CREB5: variants seen among roughly 807,000 people sequenced by gnomAD.
The protein encoded by CREB5 is cAMP responsive element binding protein 5.
A neutral mutation model predicts 57.1 loss-of-function variants in CREB5; 19 were observed. The observed-to-expected ratio is 0.33, with a 90% CI of 0.23 to 0.49. The LOEUF is 0.49. CREB5 is among the 20% of genes least tolerant of loss of function. The pLI, the probability that CREB5 is intolerant of heterozygous loss-of-function variation, is 0.99. For missense variants in CREB5, 579 were observed against 671.6 expected (o/e 0.86, Z 1.52); for synonymous variants, 238 against 238.3 (o/e 1.00, Z 0.01).
intron 4 of CREB5, among the ~76,000 whole-genome samples, chr7:28,549,845 T>C (rs1794556201): frequency 6.6e-6 from 1 of 152,230 alleles, no homozygotes; most frequent in Non-Finnish European, 1.5e-5. Context: ...GTGTCATTGC[T>C]GATGGTTTGC....
At chr7:28,406,563 G>A (rs774662906) in intron 1 of CREB5, among the ~76,000 whole-genome samples, 7 of 152,340 alleles carry the variant, frequency 4.6e-5, no homozygotes, top group South Asian at 4.1e-4. Flanking sequence ...GTCTCCACAC[G>A]TCTGACAGGC....
intron 1 of CREB5, among the ~76,000 whole-genome samples, chr7:28,304,789 T>C (rs1318894861): frequency 6.6e-6 from 1 of 152,188 alleles, no homozygotes; most frequent in Non-Finnish European, 1.5e-5. Context: ...ATTTCCATGA[T>C]AGACTATTAA....
rs79422087 is a variant in CREB5, at chr7:28,690,487, A to G, written c.465-28266A>G. 1.8e-4 allele frequency among the ~76,000 whole-genome samples: 28 copies of G among 152,314 alleles called. 1 individual carries two copies. In the East Asian group the frequency reaches 5.0e-3, roughly 27 times the overall value. ...AGAGAAGCAGGGTGGGGTCTCCTGA[A>G]AAGAGCATGGCCTTTGGGGTTATAA... On this transcript the variant is annotated intron_variant, in intron 5 of 10. Transcript: ENST00000357727.
Position 28,464,526 on chromosome 7 carries a change from T to TGTGC in CREB5, c.4-23646_4-23645insCGTG, listed in dbSNP as rs1265350993. On this transcript the variant is annotated intron_variant, in intron 1 of 10. Coordinates refer to ENST00000357727, the MANE Select transcript of CREB5 (RefSeq NM_182898.4). ...GTGTGTGTGTGTGTGTGTGTGTGTG[T>TGTGC]GTGTGTGTGTGTTACTAATGCAATC... is the stretch of plus-strand genomic sequence containing the variant. Among the ~76,000 whole-genome samples, 3 of 151,794 alleles carry TGTGC rather than the reference T, an allele frequency of 2.0e-5. No individual in the cohort carries two copies. The East Asian group carries it at 5.8e-4, about 29-fold the overall frequency.
chr7:28,353,666 AC>A (rs1395364651), intron 1 of CREB5, among the ~76,000 whole-genome samples: 3 of 151,738 alleles, frequency 2.0e-5, no homozygotes, highest in Admixed American at 6.6e-5. Flanking sequence ...ACATGGTGAA[AC>A]CCCGTCTCTA....
At chr7:28,722,351 T>A (rs1803079277) in intron 6 of CREB5, among the ~76,000 whole-genome samples, 1 of 152,140 alleles carries the variant, frequency 6.6e-6, no homozygotes, top group South Asian at 2.1e-4. Flanking sequence ...GAATTTGATT[T>A]CCCTCTCTGA....
At chr7:28,696,151 C>CT (rs1801546297) in intron 5 of CREB5, among the ~76,000 whole-genome samples, 1 of 152,214 alleles carries the variant, frequency 6.6e-6, no homozygotes, top group Admixed American at 6.5e-5. Flanking sequence ...TACCATTCGG[C>CT]TGCCTGGGAG....
At chr7:28,539,918 A>G (rs1286199675) in intron 4 of CREB5, among the ~76,000 whole-genome samples, 1 of 152,226 alleles carries the variant, frequency 6.6e-6, no homozygotes, top group Non-Finnish European at 1.5e-5. Flanking sequence ...TTGTAAAGCA[A>G]GTGAAATCAA....
At chr7:28,755,034 A>T (rs1003009703) in intron 7 of CREB5, among the ~76,000 whole-genome samples, 13 of 152,178 alleles carry the variant, frequency 8.5e-5, no homozygotes, top group African/African-American at 3.1e-4. Flanking sequence ...TGACTCTTTA[A>T]ATTAACCAAA....
intron 1 of CREB5, among the ~76,000 whole-genome samples, chr7:28,433,818 GC>G (rs2128556940): frequency 6.6e-6 from 1 of 151,796 alleles, no homozygotes; most frequent in South Asian, 2.1e-4. Flanking sequence ...TTAGAATCAT[GC>G]CACTTCTGCT....
Position 28,819,430 on chromosome 7 carries a change from T to C in CREB5, c.*151T>C. On this transcript the variant is annotated 3_prime_UTR_variant, in exon 11 of 11. Transcript: ENST00000357727. Reference sequence around the variant, plus strand: ...TTTTATAGTTATTATGGAAATGTTGTCTTTTATACTTAGTTATATAAGAAA... The same window carrying C: ...TTTTATAGTTATTATGGAAATGTTGCCTTTTATACTTAGTTATATAAGAAA... The C allele has an allele frequency of 1.4e-6, 1 of 731,878 alleles. No homozygotes were observed. Among genetic ancestry groups the C allele is most frequent in the Non-Finnish European group, 2.1e-6 (1 of 476,236 alleles). The allele number at this position is 731,878 out of a possible 1,614,324, so 45.3% of individuals were successfully genotyped here.
intron 1 of CREB5, among the ~76,000 whole-genome samples, chr7:28,327,787 A>G (rs2127985830): frequency 6.6e-6 from 1 of 152,296 alleles, no homozygotes; most frequent in Non-Finnish European, 1.5e-5. Context: ...CCTCCCCCTG[A>G]GAGAGAAAAT....
chr7:28,493,632 C>A (rs1371806449), intron 2 of CREB5, among the ~76,000 whole-genome samples: 2 of 152,138 alleles, frequency 1.3e-5, no homozygotes, highest in Non-Finnish European at 2.9e-5. Flanking sequence ...ATGCTGGCCC[C>A]TGGGTGACAT....
intron 1 of CREB5, among the ~76,000 whole-genome samples, chr7:28,346,332 G>A (rs186711833): frequency 6.6e-4 from 101 of 152,312 alleles, no homozygotes; most frequent in African/African-American, 2.3e-3. Context: ...GTTCCCAGTT[G>A]GTAGCTGGTG....
chr7:28,307,895 T>C (rs1003154025), intron 1 of CREB5, among the ~76,000 whole-genome samples: 3 of 152,214 alleles, frequency 2.0e-5, no homozygotes, highest in African/African-American at 7.2e-5. Context: ...GAAGCACACC[T>C]TGGGGAGACT....
intron 4 of CREB5, among the ~76,000 whole-genome samples, chr7:28,560,925 C>T (rs177597): frequency 0.013 from 445 of 33,408 alleles, 50 homozygotes; most frequent in African/African-American, 0.035. Context: ...CGTGTGTGCG[C>T]GTGCGTGTGT....
chr7:28,737,151 A>G (rs1804028067), intron 7 of CREB5, among the ~76,000 whole-genome samples: 1 of 152,196 alleles, frequency 6.6e-6, no homozygotes, highest in Admixed American at 6.5e-5. Flanking sequence ...TCTCTGTATC[A>G]TTAACAATAA....
At chr7:28,745,928 C>T (rs139246716) in intron 7 of CREB5, among the ~76,000 whole-genome samples, 7 of 152,314 alleles carry the variant, frequency 4.6e-5, no homozygotes, top group East Asian at 1.9e-4. Context: ...CCTAAGAACA[C>T]GCACTTCCTC....
At chr7:28,558,996 C>A (rs1794976934) in intron 4 of CREB5, among the ~76,000 whole-genome samples, 1 of 152,218 alleles carries the variant, frequency 6.6e-6, no homozygotes, top group South Asian at 2.1e-4. Flanking sequence ...CATTTCTCTG[C>A]ATGTGCTGCG....
Sources: allele counts gnomAD v4.1 joint callset (sites outside exome capture counted in the v4.1 genomes callset), GRCh38; gene constraint gnomAD v4.1.1; transcripts MANE v1.5; gene names NCBI Gene and HGNC (gene_info 2026-07-23, HGNC 2026-07-21).